TLN2: variants seen among roughly 807,000 people sequenced by gnomAD.
TLN2 encodes talin-2.
In TLN2, 118 loss-of-function variants were observed where a neutral mutation model predicts 294.7. That is an observed-to-expected ratio of 0.40 (90% confidence interval 0.34 to 0.47). The LOEUF (loss-of-function observed/expected upper bound fraction) is 0.47, where lower values mean the gene tolerates loss of function less well. TLN2 is among the 20% of genes least tolerant of loss of function. TLN2 has a pLI of 0.84. For missense variants in TLN2, 3,083 were observed against 3,282.2 expected (o/e 0.94, Z 1.48); for synonymous variants, 1,431 against 1,304.5 (o/e 1.10, Z -2.09).
chr15:62,520,759 G>A (rs2040417329), intron 1 of TLN2, among the ~76,000 whole-genome samples: 1 of 152,142 alleles, frequency 6.6e-6, no homozygotes, highest in Non-Finnish European at 1.5e-5. Flanking sequence ...TTTTTTTAAA[G>A]TGTATATCTG....
chr15:62,793,704 G>A (rs181189436), intron 46 of TLN2, among the ~76,000 whole-genome samples: 5 of 151,918 alleles, frequency 3.3e-5, no homozygotes, highest in East Asian at 2.0e-4. Flanking sequence ...TTTTTGTCTC[G>A]GAATCATTTT....
At chr15:62,579,307 A>G (rs962424107) in intron 1 of TLN2, among the ~76,000 whole-genome samples, 1 of 152,228 alleles carries the variant, frequency 6.6e-6, no homozygotes, top group Admixed American at 6.5e-5. Context: ...AGAGAGCAGC[A>G]TAGAAAAATC....
chr15:62,490,833 G>A (rs1041764692), intron 1 of TLN2, among the ~76,000 whole-genome samples: 124 of 152,110 alleles, frequency 8.2e-4, no homozygotes, highest in Non-Finnish European at 7.4e-5. Flanking sequence ...CAGCAAGATT[G>A]CTTTGGGGTC....
chr15:62,592,636 A>T (rs2046169794), intron 2 of TLN2, among the ~76,000 whole-genome samples: 2 of 136,696 alleles, frequency 1.5e-5, no homozygotes, highest in East Asian at 2.5e-4. Flanking sequence ...GCTTTAAGTG[A>T]TGTGGACCAG....
In TLN2 at chr15:62,719,803, G is replaced by T. The variant is rs746979515; in HGVS notation, c.2914G>T (p.Val972Leu). The T allele has an allele frequency of 6.2e-7, 1 of 1,611,968 alleles. No individual in the cohort carries two copies. Among genetic ancestry groups the T allele is most frequent in the East Asian group, 2.2e-5 (1 of 44,812 alleles). Residue 972 changes from valine to leucine, a missense_variant, in exon 25 of 59, where the codon GTG (valine) becomes TTG (leucine). By Grantham distance (32) the Val-to-Leu change is conservative. Transcript: ENST00000636159. ...ADHIPQLVQG[V>L]RGSQAQAEDL... ...TCACATCCCTCAGCTGGTCCAGGGAGTGAGGGGGAGCCAAGCTCAAGCTGA... is the reference window on the plus strand; with the variant it reads ...TCACATCCCTCAGCTGGTCCAGGGATTGAGGGGGAGCCAAGCTCAAGCTGA...
chr15:62,469,097 G>A (rs902126935), intron 1 of TLN2, among the ~76,000 whole-genome samples: 1 of 152,222 alleles, frequency 6.6e-6, no homozygotes, highest in African/African-American at 2.4e-5. Flanking sequence ...TTTTCTTGGC[G>A]TGTAATTGAA....
rs562001190 is a variant in TLN2 at position 62,647,583 on chromosome 15, G to C, written c.136+137G>C. The C allele has an allele frequency of 5.1e-6, 6 of 1,180,784 alleles. No homozygotes were observed. The African/African-American group carries it at 9.1e-5, about 18-fold the overall frequency. The allele number at this position is 1,180,784 out of a possible 1,614,324, so 73.1% of individuals were successfully genotyped here. ...TCAAATGAAATACCTTCTTAGATCAGACACTACCTGCTTCCTCTGTGAGAC... is the reference window on the plus strand; with the variant it reads ...TCAAATGAAATACCTTCTTAGATCACACACTACCTGCTTCCTCTGTGAGAC... On this transcript the variant is annotated intron_variant, in intron 4 of 58. Transcript: ENST00000636159.
At chr15:62,472,883 C>G (rs1022094256) in intron 1 of TLN2, among the ~76,000 whole-genome samples, 11 of 152,196 alleles carry the variant, frequency 7.2e-5, no homozygotes, top group African/African-American at 2.7e-4. Context: ...GGCAAGGAAG[C>G]CAGGCCTCTG....
chr15:62,827,762 AC>A (rs1166918134), intron 54 of TLN2: 3 of 152,258 alleles, frequency 2.0e-5, no homozygotes, highest in African/African-American at 7.2e-5. Context: ...CCTGAAAAAA[AC>A]AATTTTTGAT....
intron 1 of TLN2, among the ~76,000 whole-genome samples, chr15:62,396,442 C>T (rs1044340530): frequency 3.3e-5 from 5 of 152,156 alleles, no homozygotes; most frequent in African/African-American, 1.2e-4. Context: ...TGGAAATTTT[C>T]AATTAATTAT....
At chr15:62,459,138 C>G (rs1172374960) in intron 1 of TLN2, among the ~76,000 whole-genome samples, 1 of 151,976 alleles carries the variant, frequency 6.6e-6, no homozygotes, top group Non-Finnish European at 1.5e-5. Context: ...GTAGCTGGGA[C>G]TACAGGTTCC....
rs1427730726 is a variant in TLN2, at chr15:62,711,905, T to C, written c.2468-6T>C. 4.4e-6 allele frequency: 7 copies of C among 1,605,118 alleles called. No individual in the cohort carries two copies. Among genetic ancestry groups the C allele is most frequent in the Non-Finnish European group, 6.0e-6 (7 of 1,173,022 alleles). On this transcript the variant is annotated splice_polypyrimidine_tract_variant and splice_region_variant and intron_variant, in intron 21 of 58. Coordinates refer to ENST00000636159, the MANE Select transcript of TLN2 (RefSeq NM_015059.3). ...AACAGACCTCATCCTCTATTCTGTCTTCTAGGTGAAATGGTGCGCCAGGCG... is the reference window on the plus strand; with the variant it reads ...AACAGACCTCATCCTCTATTCTGTCCTCTAGGTGAAATGGTGCGCCAGGCG...
intron 1 of TLN2, among the ~76,000 whole-genome samples, chr15:62,489,281 T>C (rs1001112866): frequency 1.3e-5 from 2 of 152,326 alleles, no homozygotes; most frequent in East Asian, 3.9e-4. Flanking sequence ...CTTTGGTATC[T>C]TCAATGATTC....
intron 1 of TLN2, among the ~76,000 whole-genome samples, chr15:62,557,946 T>A (rs1403599515): frequency 6.6e-6 from 1 of 152,244 alleles, no homozygotes; most frequent in African/African-American, 2.4e-5. Context: ...CTTGGAGCCC[T>A]GTGTTCTGCA....
chr15:62,680,325 T>C (rs2141024817), intron 11 of TLN2, among the ~76,000 whole-genome samples: 1 of 152,222 alleles, frequency 6.6e-6, no homozygotes, highest in Admixed American at 6.5e-5. Flanking sequence ...GCCTCCTTGA[T>C]TGCTTTCAAC....
chr15:62,834,841 C>G (rs2069305677), intron 55 of TLN2: 1 of 152,168 alleles, frequency 6.6e-6, no homozygotes, highest in Non-Finnish European at 1.5e-5. Context: ...GGCTATGTGT[C>G]CAACACATTG....
In TLN2 at chr15:62,730,464, G is replaced by A. The variant is rs149309618; in HGVS notation, c.3358+3275G>A. On this transcript the variant is annotated intron_variant, in intron 28 of 58. Transcript: ENST00000636159. ...TTCCATCACCCTTCGTTCCTTCTGCGTCTCCAGGAGCTTTCATTAGGGATC... is the reference window on the plus strand; with the variant it reads ...TTCCATCACCCTTCGTTCCTTCTGCATCTCCAGGAGCTTTCATTAGGGATC... Among the ~76,000 whole-genome samples, 707 of 152,090 alleles carry A rather than the reference G, an allele frequency of 4.6e-3. 3 individuals carry two copies. Among genetic ancestry groups the A allele is most frequent in the Non-Finnish European group, 7.2e-3 (491 of 68,002 alleles).
In TLN2 at chr15:62,586,312, T is replaced by A. The variant is rs569422370; in HGVS notation, c.-237-3375T>A. Among the ~76,000 whole-genome samples the A allele has an allele frequency of 3.3e-5, 5 of 152,296 alleles. No individual in the cohort carries two copies. The South Asian group carries it at 1.0e-3, about 32-fold the overall frequency. On this transcript the variant is annotated intron_variant, in intron 1 of 58. Coordinates refer to ENST00000636159, the MANE Select transcript of TLN2 (RefSeq NM_015059.3). The stretch of plus-strand genomic sequence containing the variant: ...GTCTCATGATTGCTCATCTCTGAAA[T>A]TGGAGAGTGGTTCTTGTCCTTTGTC...
chr15:62,669,867 A>G (rs1414533327), intron 9 of TLN2, among the ~76,000 whole-genome samples: 1 of 152,172 alleles, frequency 6.6e-6, no homozygotes, highest in Non-Finnish European at 1.5e-5. Context: ...ACACATGCAC[A>G]CACTATTCAT....
Sources: allele counts gnomAD v4.1 joint callset (sites outside exome capture counted in the v4.1 genomes callset), GRCh38; gene constraint gnomAD v4.1.1; transcripts MANE v1.5; gene names NCBI Gene and HGNC (gene_info 2026-07-23, HGNC 2026-07-21).